The following AGBL1 variants were observed in gnomAD, a reference collection of about 807,000 sequenced individuals.
AGBL1 encodes the protein cytosolic carboxypeptidase 4.
Under a neutral mutation model 118.9 loss-of-function variants are expected in AGBL1, and 130 were observed. The observed-to-expected ratio is 1.09, with a 90% CI of 0.95 to 1.26. The LOEUF (loss-of-function observed/expected upper bound fraction) is 1.26. Among genes scored for constraint, AGBL1 ranks in the 50% most tolerant of loss-of-function variants. The pLI, the probability that AGBL1 is intolerant of heterozygous loss-of-function variation, is 0.00. For synonymous variants in AGBL1, 555 were observed against 478.9 expected, an observed-to-expected ratio of 1.16 and a Z score of -2.08; for missense variants, 1,584 against 1,298.1, an observed-to-expected ratio of 1.22 and a Z score of -3.38.
intron 5 of AGBL1, among the ~76,000 whole-genome samples, chr15:86,175,127 C>T (rs1299283354): frequency 6.6e-6 from 1 of 151,960 alleles, no homozygotes; most frequent in South Asian, 2.1e-4. Context: ...GTAAAGTCAT[C>T]TGGTCCTGAG....
At chr15:86,541,713 G>A (rs2083499539) in intron 19 of AGBL1, among the ~76,000 whole-genome samples, 1 of 151,712 alleles carries the variant, frequency 6.6e-6, no homozygotes, top group South Asian at 2.1e-4. Flanking sequence ...AGTAACTGAG[G>A]AGACTAGCTT....
intron 24 of AGBL1, among the ~76,000 whole-genome samples, chr15:87,019,538 A>G (rs546192962): frequency 6.6e-6 from 1 of 152,246 alleles, no homozygotes; most frequent in South Asian, 2.1e-4. Flanking sequence ...TAAACAATCA[A>G]CTTAAGGCAG....
At chr15:86,961,421 A>G (rs1244551353) in intron 23 of AGBL1, among the ~76,000 whole-genome samples, 1 of 151,994 alleles carries the variant, frequency 6.6e-6, no homozygotes, top group African/African-American at 2.4e-5. Context: ...TGCTATGCCA[A>G]ACTTCTACCG....
intron 21 of AGBL1, among the ~76,000 whole-genome samples, chr15:86,619,878 G>A (rs936043241): frequency 6.6e-5 from 10 of 152,142 alleles, no homozygotes; most frequent in Admixed American, 2.0e-4. Flanking sequence ...ACATGCACAC[G>A]CAGAGAGAGT....
chr15:86,725,265 G>A (rs1215705198), intron 22 of AGBL1, among the ~76,000 whole-genome samples: 1 of 152,142 alleles, frequency 6.6e-6, no homozygotes, highest in East Asian at 1.9e-4. Context: ...GTATTTCCAA[G>A]AAAATCATGT....
Position 86,270,217 on chromosome 15 carries a change from C to T in AGBL1, c.1987+150C>T, listed in dbSNP as rs1039906316. 1.2e-5 allele frequency: 12 copies of T among 1,019,840 alleles called. 1 individual carries two copies. The South Asian group carries it at 1.5e-4, about 13-fold the overall frequency. 63.2% of individuals were successfully genotyped at this position (1,019,840 alleles called of 1,614,324 possible). ...CCAGGTGCAGCAAGGCAGGCAGTGGCCCTCAGTGGCACACTGCTACTTTAG... is the reference window on the plus strand; with the variant it reads ...CCAGGTGCAGCAAGGCAGGCAGTGGTCCTCAGTGGCACACTGCTACTTTAG... On this transcript the variant is annotated intron_variant, in intron 14 of 22. Transcript: ENST00000614907.
At chr15:86,361,183 G>GT (rs1268201346) in intron 17 of AGBL1, among the ~76,000 whole-genome samples, 11 of 151,826 alleles carry the variant, frequency 7.2e-5, no homozygotes, top group African/African-American at 2.7e-4. Flanking sequence ...ATTTCAAAAT[G>GT]TTTTTAACAT....
chr15:86,540,081 T>G (rs1255401376), intron 19 of AGBL1, among the ~76,000 whole-genome samples: 1 of 152,192 alleles, frequency 6.6e-6, no homozygotes, highest in African/African-American at 2.4e-5. Context: ...AATTTAGTGT[T>G]CTCGGCCACA....
chr15:86,119,942 T>C (rs1257214791), intron 1 of AGBL1, among the ~76,000 whole-genome samples: 2 of 152,230 alleles, frequency 1.3e-5, no homozygotes, highest in Non-Finnish European at 2.9e-5. Flanking sequence ...TCTAAATGTC[T>C]GTTAACTATT....
chr15:86,754,941 TC>T (rs1369987724), intron 22 of AGBL1, among the ~76,000 whole-genome samples: 1 of 152,032 alleles, frequency 6.6e-6, no homozygotes, highest in African/African-American at 2.4e-5. Context: ...TTCATTTTCT[TC>T]CCCGTATCAC....
At chr15:86,291,464 A>G (rs2079544268) in intron 16 of AGBL1, among the ~76,000 whole-genome samples, 1 of 152,230 alleles carries the variant, frequency 6.6e-6, no homozygotes, top group Non-Finnish European at 1.5e-5. Flanking sequence ...CTATGCAACA[A>G]TGAGCAGTGA....
At chr15:87,011,483 T>C (rs1170109279) in intron 24 of AGBL1, among the ~76,000 whole-genome samples, 1 of 152,256 alleles carries the variant, frequency 6.6e-6, no homozygotes, top group African/African-American at 2.4e-5. Flanking sequence ...CAGATTTAAA[T>C]AAGAGATAAA....
At chr15:86,251,424 C>A (rs1467244544) in intron 7 of AGBL1, among the ~76,000 whole-genome samples, 2 of 152,192 alleles carry the variant, frequency 1.3e-5, no homozygotes, top group Non-Finnish European at 2.9e-5. Context: ...TTCCTGACAA[C>A]TTCCTAAATG....
chr15:86,215,422 G>A (rs117628509), intron 5 of AGBL1, among the ~76,000 whole-genome samples: 2,186 of 151,960 alleles, frequency 0.014, 27 homozygotes, highest in East Asian at 0.071. Context: ...TTCTTTTTCC[G>A]CTGCAACAAC....
intron 22 of AGBL1, among the ~76,000 whole-genome samples, chr15:86,738,971 C>CT (rs758137014): frequency 1.3e-5 from 2 of 151,100 alleles, no homozygotes; most frequent in Admixed American, 6.6e-5. Context: ...GACCTCATCT[C>CT]TAAAAAAAAA....
chr15:86,593,605 G>A (rs746137065), intron 21 of AGBL1, among the ~76,000 whole-genome samples: 8 of 152,032 alleles, frequency 5.3e-5, no homozygotes, highest in Non-Finnish European at 8.8e-5. Flanking sequence ...TATCAACTTC[G>A]CTGGCATATA....
intron 18 of AGBL1, among the ~76,000 whole-genome samples, chr15:86,515,657 T>C (rs2083111472): frequency 6.6e-6 from 1 of 152,212 alleles, no homozygotes; most frequent in Non-Finnish European, 1.5e-5. Context: ...GTCAGCTGGT[T>C]GCAATGGATG....
chr15:86,235,612 A>C (rs766259327), intron 6 of AGBL1, among the ~76,000 whole-genome samples: 5 of 152,262 alleles, frequency 3.3e-5, no homozygotes, highest in African/African-American at 2.4e-5. Context: ...ATTTATTTAC[A>C]TCAAGATGTA....
intron 17 of AGBL1, among the ~76,000 whole-genome samples, chr15:86,372,776 G>T (rs1348061217): frequency 6.6e-6 from 1 of 151,864 alleles, no homozygotes; most frequent in African/African-American, 2.4e-5. Context: ...TGCTACAAAG[G>T]CTTCTCTGGA....
Sources: gnomAD v4.1 joint callset for allele counts (sites outside exome capture counted in the v4.1 genomes callset) on GRCh38, gnomAD v4.1.1 for gene constraint, MANE v1.5 for transcripts, NCBI Gene and HGNC (gene_info 2026-07-23, HGNC 2026-07-21) for gene names.